TACR3: variants seen among roughly 807,000 people sequenced by gnomAD.
The protein encoded by TACR3 is neuromedin-K receptor.
In TACR3, 34 loss-of-function variants were observed where a neutral mutation model predicts 35.0. The ratio of observed to expected loss-of-function variants is 0.97; its 90% CI spans 0.74 to 1.30. The LOEUF (loss-of-function observed/expected upper bound fraction) is 1.30. Ranked by LOEUF, TACR3 falls within the 50% of genes most tolerant of loss-of-function variation. The pLI, the probability that TACR3 is intolerant of heterozygous loss-of-function variation, is 0.00. For synonymous variants in TACR3, 233 were observed against 221.1 expected (o/e 1.05, Z -0.48); for missense variants, 558 against 591.7 (o/e 0.94, Z 0.59).
At chr4:103,678,364 T>C (rs1726219046) in intron 1 of TACR3, among the ~76,000 whole-genome samples, 1 of 152,088 alleles carries the variant, frequency 6.6e-6, no homozygotes. Flanking sequence ...CTTAAGGGTA[T>C]GTAAGTTGTG....
intron 3 of TACR3, among the ~76,000 whole-genome samples, chr4:103,626,509 G>T (rs565172958): frequency 6.6e-6 from 1 of 152,264 alleles, no homozygotes; most frequent in African/African-American, 2.4e-5. Context: ...GAGGCTTGCA[G>T]GAATGTGTGT....
At chr4:103,716,601 C>T (rs1170689791) in intron 1 of TACR3, among the ~76,000 whole-genome samples, 4 of 152,040 alleles carry the variant, frequency 2.6e-5, no homozygotes, top group East Asian at 1.9e-4. Context: ...AAGATACAGG[C>T]GTTCATTGAG....
intron 3 of TACR3, among the ~76,000 whole-genome samples, chr4:103,613,131 C>T (rs1348361529): frequency 2.0e-5 from 3 of 151,926 alleles, no homozygotes; most frequent in Non-Finnish European, 4.4e-5. Context: ...TTTTAGCTGT[C>T]GTATATAGTG....
chr4:103,719,835 G>T lies in TACR3; in HGVS notation c.-160C>A. The T allele has an allele frequency of 2.1e-6, 2 of 945,548 alleles. No homozygotes were observed. The highest frequency in any genetic ancestry group is 3.1e-6 in the Non-Finnish European group (2 of 635,226). 58.6% of individuals were successfully genotyped at this position (945,548 alleles called of 1,614,324 possible). ...CTGCAATCCCTGCTGGTTAGGGGAT[G>T]CAGCTGGGGCTAAGGGGCAACAGCT... On this transcript the variant is annotated 5_prime_UTR_variant, in exon 1 of 5. Transcript: ENST00000304883.
rs960991459 is a variant in TACR3 at position 103,587,193 on chromosome 4, T to C, written c.*2489A>G. 4 of 151,764 alleles carry C rather than the reference T, an allele frequency of 2.6e-5. No individual in the cohort carries two copies. Among genetic ancestry groups the C allele is most frequent in the African/African-American group, 9.7e-5 (4 of 41,104 alleles). 9.4% of individuals were successfully genotyped at this position (151,764 alleles called of 1,614,324 possible). ...TCACTGAATTTGATTTTGTGCATTA[T>C]TCTGTAATTCTTATTGTCAAAATGC... On this transcript the variant is annotated 3_prime_UTR_variant, in exon 5 of 5. Coordinates refer to ENST00000304883, the MANE Select transcript of TACR3 (RefSeq NM_001059.3).
chr4:103,673,430 A>C (rs562317804), intron 1 of TACR3, among the ~76,000 whole-genome samples: 27 of 152,192 alleles, frequency 1.8e-4, no homozygotes, highest in Admixed American at 3.3e-4. Flanking sequence ...ATATGTTAGG[A>C]AATAGGGAGT....
chr4:103,676,880 A>G (rs952502883), intron 1 of TACR3, among the ~76,000 whole-genome samples: 3 of 152,216 alleles, frequency 2.0e-5, no homozygotes, highest in Non-Finnish European at 2.9e-5. Flanking sequence ...ATTAAACTAA[A>G]GAGATTCTTC....
At chr4:103,636,431 G>T (rs1043219849) in intron 3 of TACR3, among the ~76,000 whole-genome samples, 7 of 151,782 alleles carry the variant, frequency 4.6e-5, no homozygotes, top group Non-Finnish European at 1.0e-4. Flanking sequence ...TGCTGATATT[G>T]GAAAATATTT....
intron 3 of TACR3, among the ~76,000 whole-genome samples, chr4:103,615,396 T>TGAGAGAGA (rs1424120503): frequency 8.2e-6 from 1 of 122,562 alleles, no homozygotes; most frequent in African/African-American, 3.5e-5. Flanking sequence ...TGTGTGTGTG[T>TGAGAGAGA]GTGAGAGAGA....
chr4:103,665,941 C>T (rs577214434), intron 1 of TACR3, among the ~76,000 whole-genome samples: 3 of 152,180 alleles, frequency 2.0e-5, no homozygotes, highest in Non-Finnish European at 2.9e-5. Context: ...AATACACTGC[C>T]ATTCTTTGTC....
chr4:103,646,381 G>A (rs1725454736), intron 3 of TACR3, among the ~76,000 whole-genome samples: 1 of 151,972 alleles, frequency 6.6e-6, no homozygotes, highest in African/African-American at 2.4e-5. Context: ...AGGTGGATCT[G>A]ATATAGTATA....
At chr4:103,709,523 G>C (rs914055118) in intron 1 of TACR3, among the ~76,000 whole-genome samples, 2 of 152,144 alleles carry the variant, frequency 1.3e-5, no homozygotes, top group Non-Finnish European at 2.9e-5. Flanking sequence ...AAATAGAAAG[G>C]AGCAACTGGT....
At chr4:103,608,308 A>G (rs1724432272) in intron 3 of TACR3, among the ~76,000 whole-genome samples, 1 of 152,134 alleles carries the variant, frequency 6.6e-6, no homozygotes, top group African/African-American at 2.4e-5. Context: ...AAACCGAAAT[A>G]GAAAACGAGA....
rs1723790194 is a variant in TACR3 at position 103,587,423 on chromosome 4, A to G, written c.*2259T>C. 1 of 152,112 alleles carries G rather than the reference A, an allele frequency of 6.6e-6. No homozygotes were observed. Among genetic ancestry groups the G allele is most frequent in the African/African-American group, 2.4e-5 (1 of 41,454 alleles). 9.4% of individuals were successfully genotyped at this position (152,112 alleles called of 1,614,324 possible). On this transcript the variant is annotated 3_prime_UTR_variant, in exon 5 of 5. Transcript: ENST00000304883. ...TCACACTAGAAGGGAGGTGCTCGGT[A>G]AGCAACACAACAATATGTATGTTCA... is the stretch of plus-strand genomic sequence containing the variant.
intron 3 of TACR3, among the ~76,000 whole-genome samples, chr4:103,605,276 G>GCT (rs1560803808): frequency 9.3e-5 from 9 of 97,034 alleles, no homozygotes; most frequent in Non-Finnish European, 1.9e-4. Flanking sequence ...TGAATAATGC[G>GCT]GCAATAAACA....
At chr4:103,686,894 T>G (rs370073276) in intron 1 of TACR3, among the ~76,000 whole-genome samples, 34 of 152,144 alleles carry the variant, frequency 2.2e-4, no homozygotes, top group Non-Finnish European at 4.0e-4. Context: ...TAACTCATTT[T>G]ATGAGGCCAG....
chr4:103,666,801 G>T (rs1040448813), intron 1 of TACR3, among the ~76,000 whole-genome samples: 5 of 152,022 alleles, frequency 3.3e-5, no homozygotes, highest in Non-Finnish European at 5.9e-5. Flanking sequence ...GAACATATTT[G>T]ATTATTTCAC....
At chr4:103,705,635 T>C (rs1182230953) in intron 1 of TACR3, among the ~76,000 whole-genome samples, 3 of 152,192 alleles carry the variant, frequency 2.0e-5, no homozygotes, top group Non-Finnish European at 2.9e-5. Flanking sequence ...CTAATTTATA[T>C]TGGGAGCATC....
chr4:103,686,734 T>A (rs996225235), intron 1 of TACR3, among the ~76,000 whole-genome samples: 3 of 152,162 alleles, frequency 2.0e-5, no homozygotes, highest in African/African-American at 7.2e-5. Flanking sequence ...GAGATTTCAA[T>A]GCAGCCACCA....
Sources: gnomAD v4.1 joint callset for allele counts (sites outside exome capture counted in the v4.1 genomes callset) on GRCh38, gnomAD v4.1.1 for gene constraint, MANE v1.5 for transcripts, NCBI Gene and HGNC (gene_info 2026-07-23, HGNC 2026-07-21) for gene names.